CCNY: variants seen among roughly 807,000 people sequenced by gnomAD.
CCNY encodes the protein cyclin Y, also known as cyclin-Y.
A neutral mutation model predicts 42.8 loss-of-function variants in CCNY; 19 were observed. The observed-to-expected ratio is 0.44, with a 90% CI of 0.31 to 0.65. CCNY has a LOEUF of 0.65. CCNY is among the 30% of genes least tolerant of loss of function. CCNY has a pLI of 0.07. For synonymous variants in CCNY, 165 were observed against 162.7 expected (o/e 1.01, Z -0.11); for missense variants, 370 against 437.3 (o/e 0.85, Z 1.37).
intron 1 of CCNY, among the ~76,000 whole-genome samples, chr10:35,465,905 AAGAGAGAGAGAGAGAGAG>A (rs56166429): frequency 5.0e-5 from 5 of 99,220 alleles, no homozygotes; most frequent in African/African-American, 1.6e-4. Flanking sequence ...GGGTAGGGGG[AAGAGAGAGAGAGAGAGAG>A]AGAGAGAGAG....
intron 2 of CCNY, among the ~76,000 whole-genome samples, chr10:35,487,510 C>T (rs571607959): frequency 2.6e-5 from 4 of 152,194 alleles, no homozygotes; most frequent in Middle Eastern, 3.4e-3. Flanking sequence ...TGCATCCCAC[C>T]TCCCAGCTGT....
rs558505188 is a variant in CCNY, at chr10:35,255,814, C to T, written c.-9+5188C>T. Among the ~76,000 whole-genome samples the T allele has an allele frequency of 1.6e-4, 24 of 152,182 alleles. No homozygotes were observed. In the South Asian group the frequency reaches 4.2e-3, roughly 26 times the overall value. Reference sequence around the variant, plus strand: ...TTCACCATGTTGCCCAGACCGGTCTCGAACTCCTGGGCTCAAGCGATTTGA... The same window carrying T: ...TTCACCATGTTGCCCAGACCGGTCTTGAACTCCTGGGCTCAAGCGATTTGA... On this transcript the variant is annotated intron_variant, in intron 3 of 11. Transcript: ENST00000374706.
At chr10:35,393,797 C>T (rs1837466306) in intron 1 of CCNY, among the ~76,000 whole-genome samples, 1 of 152,100 alleles carries the variant, frequency 6.6e-6, no homozygotes, top group South Asian at 2.1e-4. Context: ...ACTGTTAAAG[C>T]AGTGTGTGGG....
At chr10:35,424,835 G>C in intron 1 of CCNY, among the ~76,000 whole-genome samples, 1 of 152,200 alleles carries the variant, frequency 6.6e-6, no homozygotes, top group East Asian at 1.9e-4. Context: ...CCCTGACGCT[G>C]TTGCCAAGAA....
At chr10:35,302,814 A>C (rs978984856) in intron 3 of CCNY, among the ~76,000 whole-genome samples, 3 of 152,168 alleles carry the variant, frequency 2.0e-5, no homozygotes, top group African/African-American at 7.2e-5. Context: ...AAAATTGCTA[A>C]AACATTTTGA....
chr10:35,514,075 C>CAAAAAAAAAAAAAA (rs11451104), intron 3 of CCNY, among the ~76,000 whole-genome samples: 1 of 76,178 alleles, frequency 1.3e-5, no homozygotes, highest in African/African-American at 5.0e-5. Flanking sequence ...AGGACCAGTT[C>CAAAAAAAAAAAAAA]AAAAAAAAAA....
At chr10:35,319,950 AAAAAAAG>A (rs869139143) in intron 3 of CCNY, among the ~76,000 whole-genome samples, 26 of 152,114 alleles carry the variant, frequency 1.7e-4, no homozygotes, top group African/African-American at 6.0e-4. Flanking sequence ...ACTCTGTCTC[AAAAAAAG>A]AAAAAAGAAA....
rs116219744 is a variant in CCNY at position 35,427,473 on chromosome 10, G to A, written c.155-55931G>A. 1.9e-3 allele frequency among the ~76,000 whole-genome samples: 282 copies of A among 152,314 alleles called. 2 individuals are homozygous for A. Among genetic ancestry groups the A allele is most frequent in the African/African-American group, 6.5e-3 (269 of 41,562 alleles). On this transcript the variant is annotated intron_variant, in intron 1 of 9. Coordinates refer to ENST00000374704, the MANE Select transcript of CCNY (RefSeq NM_145012.6). ...GCCACCTCCCGGCTTGTGACCTTGG[G>A]CACTTAAGTTACACATCCCCTCTAA...
At chr10:35,474,279 C>T in intron 1 of CCNY, among the ~76,000 whole-genome samples, 1 of 152,200 alleles carries the variant, frequency 6.6e-6, no homozygotes, top group Non-Finnish European at 1.5e-5. Context: ...GAAGCTCGAA[C>T]TGGGTGGAGC....
chr10:35,537,738 G>A (rs1840914775), intron 7 of CCNY, among the ~76,000 whole-genome samples: 1 of 152,124 alleles, frequency 6.6e-6, no homozygotes, highest in South Asian at 2.1e-4. Context: ...TTGTATCTAG[G>A]AAGTAACTAG....
At chr10:35,545,882 G>A (rs771465792) in intron 7 of CCNY, among the ~76,000 whole-genome samples, 4 of 152,146 alleles carry the variant, frequency 2.6e-5, no homozygotes, top group Non-Finnish European at 4.4e-5. Context: ...GAATCCAAAT[G>A]TGAAACTGGC....
At chr10:35,492,668 G>A (rs1839923776) in intron 2 of CCNY, among the ~76,000 whole-genome samples, 1 of 152,232 alleles carries the variant, frequency 6.6e-6, no homozygotes. Context: ...GCAGTGGCTA[G>A]CACATAGAAG....
At chr10:35,481,071 A>G (rs999890235) in intron 1 of CCNY, among the ~76,000 whole-genome samples, 3 of 152,210 alleles carry the variant, frequency 2.0e-5, no homozygotes, top group Non-Finnish European at 4.4e-5. Context: ...CTTTTGATGT[A>G]TTTTCTATGC....
intron 1 of CCNY, among the ~76,000 whole-genome samples, chr10:35,392,318 A>C (rs1385757364): frequency 1.3e-5 from 2 of 152,220 alleles, no homozygotes; most frequent in East Asian, 3.9e-4. Context: ...TGAGAACATA[A>C]AGACCAGAGG....
chr10:35,249,561 C>G (rs960648723), intron 2 of CCNY, among the ~76,000 whole-genome samples: 1 of 152,172 alleles, frequency 6.6e-6, no homozygotes, highest in Non-Finnish European at 1.5e-5. Context: ...AAGAAAATTA[C>G]TTCTAGTTAG....
At chr10:35,502,557 A>T (rs1039496711) in intron 3 of CCNY, among the ~76,000 whole-genome samples, 17 of 152,126 alleles carry the variant, frequency 1.1e-4, no homozygotes, top group African/African-American at 3.9e-4. Flanking sequence ...GAGACTGATG[A>T]CTTCTTTGTA....
At chr10:35,511,452 T>C (rs1840324033) in intron 3 of CCNY, among the ~76,000 whole-genome samples, 1 of 151,786 alleles carries the variant, frequency 6.6e-6, no homozygotes, top group Admixed American at 6.6e-5. Flanking sequence ...GTCAGCAGAG[T>C]GCTGAAGGAT....
rs139568841 is a variant in CCNY at position 35,340,986 on chromosome 10, A to G, written c.154+3779A>G. 8.3e-3 allele frequency among the ~76,000 whole-genome samples: 1,262 copies of G among 152,120 alleles called. 10 individuals are homozygous for G. Among genetic ancestry groups the G allele is most frequent in the African/African-American group, 0.023 (973 of 41,500 alleles). On this transcript the variant is annotated intron_variant, in intron 1 of 9. Transcript: ENST00000374704. ...AAGCAGCTGCCATCTCCCCCAGCCC[A>G]CCTGGTCTCCCTGCTTCCACCCTTG...
Position 35,293,676 on chromosome 10 carries a change from A to G in CCNY, c.-9+43050A>G, listed in dbSNP as rs1835439780. 2.0e-5 allele frequency among the ~76,000 whole-genome samples: 3 copies of G among 152,156 alleles called. No individual in the cohort carries two copies. The South Asian group carries it at 6.2e-4, about 32-fold the overall frequency. On this transcript the variant is annotated intron_variant, in intron 3 of 11. Coordinates refer to the CCNY transcript ENST00000374706. The stretch of plus-strand genomic sequence containing the variant: ...ATAGTTTTCAAAATACAAGTTTTGC[A>G]CTTTGTTAAATTTATTCCTTAGTAT...
Sources: allele counts gnomAD v4.1 joint callset (sites outside exome capture counted in the v4.1 genomes callset), GRCh38; gene constraint gnomAD v4.1.1; transcripts MANE v1.5; gene names NCBI Gene and HGNC (gene_info 2026-07-23, HGNC 2026-07-21).